The following BEND4 variants were observed in gnomAD, a reference collection of about 807,000 sequenced individuals.
The protein encoded by BEND4 is BEN domain-containing protein 4.
BEND4 carries 27 observed loss-of-function variants against 54.7 expected under a neutral mutation model. That is an observed-to-expected ratio of 0.49 (90% CI 0.36 to 0.68). BEND4 has a LOEUF of 0.68. Ranked by LOEUF, BEND4 falls within the 30% of genes least tolerant of loss-of-function variation. The probability of loss-of-function intolerance (pLI) is 0.00; values close to 1 mark genes in which losing one functional copy is unlikely to be tolerated. For missense variants in BEND4, 702 were observed against 697.2 expected, an observed-to-expected ratio of 1.01 and a Z score of -0.08; for synonymous variants, 327 against 299.5, an observed-to-expected ratio of 1.09 and a Z score of -0.95.
chr4:42,151,522 G>A (rs2153148370), intron 2 of BEND4, 135 bp downstream of exon 2: 8 of 900,986 alleles, frequency 8.9e-6, no homozygotes, highest in Non-Finnish European at 1.2e-5. Context: ...TGCGCGGGGA[G>A]GCCCCAGGTG....
rs1720968976 is a variant in BEND4 at position 42,143,643 on chromosome 4, T to C, written c.839A>G (p.Asp280Gly). Residue 280 changes from aspartate to glycine, a missense_variant, in exon 3 of 6, where the codon GAT becomes GGT. Coordinates refer to ENST00000502486, the MANE Select transcript of BEND4 (RefSeq NM_207406.4). ...ATGCACAGGAGAGGTTGACAGAGGA[T>C]CCACGTCGGCCAGATGGCCATATTC... The part of the protein sequence containing the change: ...ASEYGHLADV[D>G]PLSTSPVHTL... The C allele has an allele frequency of 1.2e-6, 2 of 1,613,532 alleles. No homozygotes were observed. Among genetic ancestry groups the C allele is most frequent in the African/African-American group, 1.3e-5 (1 of 75,042 alleles).
rs1468721574 is a variant in BEND4 at position 42,116,784 on chromosome 4, A to T, written c.*734T>A. 3.9e-5 allele frequency: 6 copies of T among 152,230 alleles called. No homozygotes were observed. Among genetic ancestry groups the T allele is most frequent in the Non-Finnish European group, 5.9e-5 (4 of 68,022 alleles). The allele number at this position is 152,230 out of a possible 1,614,324, so 9.4% of individuals were successfully genotyped here. ...AGGCTATGGAAACTGCGGATTTATT[A>T]ACCTACAAAACTGAGCATTTGAAAA... On this transcript the variant is annotated 3_prime_UTR_variant, in exon 6 of 6. Coordinates refer to ENST00000502486, the MANE Select transcript of BEND4 (RefSeq NM_207406.4).
chr4:42,139,361 C>A (rs933791272), intron 3 of BEND4, among the ~76,000 whole-genome samples: 2 of 152,084 alleles, frequency 1.3e-5, no homozygotes, highest in African/African-American at 4.8e-5. Flanking sequence ...TGTAGCTGAT[C>A]ATCAAAAGAC....
intron 3 of BEND4, among the ~76,000 whole-genome samples, chr4:42,133,395 T>C (rs1398488938): frequency 6.6e-6 from 1 of 152,208 alleles, no homozygotes; most frequent in Non-Finnish European, 1.5e-5. Context: ...CATTCTATGG[T>C]AACACTAGTA....
rs1719640210 is a variant in BEND4 at position 42,113,095 on chromosome 4, T to C, written c.*4423A>G. On this transcript the variant is annotated 3_prime_UTR_variant, in exon 6 of 6. Coordinates refer to ENST00000502486, the MANE Select transcript of BEND4 (RefSeq NM_207406.4). ...CTCAAGCACTCCATTTGACATGTTT[T>C]GCCAAACAGTTCTGGCACGTGTTGC... 2 of 152,266 alleles carry C rather than the reference T, an allele frequency of 1.3e-5. No individual in the cohort carries two copies. The highest frequency in any genetic ancestry group is 2.9e-5 in the Non-Finnish European group (2 of 68,044). The allele number at this position is 152,266 out of a possible 1,614,324, so 9.4% of individuals were successfully genotyped here.
intron 3 of BEND4, among the ~76,000 whole-genome samples, chr4:42,130,136 A>T (rs1251226608): frequency 1.3e-5 from 2 of 152,228 alleles, no homozygotes; most frequent in Non-Finnish European, 2.9e-5. Flanking sequence ...GTGGCCAACA[A>T]ACATATGAAA....
chr4:42,144,180 C>A (rs539941772), intron 2 of BEND4, 186 bp from the exon 3 acceptor site: 11 of 632,014 alleles, frequency 1.7e-5, no homozygotes, highest in Non-Finnish European at 5.6e-6. Flanking sequence ...TCTGCGACTG[C>A]GGGATGCTTG....
At position 42,151,991 on chromosome 4, in the gene BEND4, G is replaced by C; in HGVS notation, c.153C>G (p.His51Gln). 8.0e-7 allele frequency: 1 copy of C among 1,254,334 alleles called. No homozygotes were observed. Among genetic ancestry groups the C allele is most frequent in the African/African-American group, 1.6e-5 (1 of 64,344 alleles). The allele number at this position is 1,254,334 out of a possible 1,614,324, so 77.7% of individuals were successfully genotyped here. A position where few individuals can be genotyped will look rare whatever the true frequency, so the allele number is the denominator to read the frequency against. The change falls in exon 2 of 6, where the codon CAC becomes CAG. Residue 51 changes from histidine (H) to glutamine (Q), a missense_variant. Coordinates refer to ENST00000502486, the MANE Select transcript of BEND4 (RefSeq NM_207406.4). ...GCGGGGGCGGCGGGGGCGCCCGCAC[G>C]TGCGGCAGCTCCACCAGGGTGGGTC... ...YERPTLVELP[H>Q]VRAPPPPPPP...
rs376822596 is a variant in BEND4, at chr4:42,117,674, T to A, written c.1449A>T (p.Ile483=). 1 of 1,610,832 alleles carries A rather than the reference T, an allele frequency of 6.2e-7. No homozygotes were observed. Among genetic ancestry groups the A allele is most frequent in the African/African-American group, 1.3e-5 (1 of 74,894 alleles). Residue 483 remains isoleucine, a synonymous_variant, in exon 6 of 6, where the codon ATA becomes ATT. Coordinates refer to ENST00000502486, the MANE Select transcript of BEND4 (RefSeq NM_207406.4). ...PDWWMPSEEQ[I]NKVFSDAVGH... ...CGACAGCGTCGCTGAACACTTTGTT[T>A]ATCTGCTCTTCCGAGGGCATCCACC... is the stretch of plus-strand genomic sequence containing the variant.
intron 3 of BEND4, among the ~76,000 whole-genome samples, chr4:42,139,994 A>C (rs907798919): frequency 6.6e-6 from 1 of 152,222 alleles, no homozygotes; most frequent in South Asian, 2.1e-4. Flanking sequence ...ATACCCCTCC[A>C]CCCAAAATGC....
rs1721350397 is a variant in BEND4 at position 42,152,593 on chromosome 4, T to G, written c.-295A>C. The G allele has an allele frequency of 6.5e-6, 1 of 153,612 alleles. No homozygotes were observed. The highest frequency in any genetic ancestry group is 1.5e-5 in the Non-Finnish European group (1 of 68,310). The allele number at this position is 153,612 out of a possible 1,614,324, so 9.5% of individuals were successfully genotyped here. A position where few individuals can be genotyped will look rare whatever the true frequency, so the allele number is the denominator to read the frequency against. Reference sequence around the variant, plus strand: ...ATCCGGGATCTGGCTACGGCGAGACTTTAGAGACCCAGATGTGGACTCGAG... The same window carrying G: ...ATCCGGGATCTGGCTACGGCGAGACGTTAGAGACCCAGATGTGGACTCGAG... On this transcript the variant is annotated 5_prime_UTR_variant, in exon 1 of 6. Coordinates refer to ENST00000502486, the MANE Select transcript of BEND4 (RefSeq NM_207406.4).
Position 42,129,964 on chromosome 4 carries a change from T to C in BEND4, c.1055-4290A>G, listed in dbSNP as rs899762706. Among the ~76,000 whole-genome samples the C allele has an allele frequency of 3.3e-5, 5 of 151,994 alleles. No homozygotes were observed. In the South Asian group the frequency reaches 6.2e-4, roughly 19 times the overall value. ...AACTATTATCAGAGTCAACAAACAA[T>C]CTACAGAATGGGAGAAAATTTCTGC... On this transcript the variant is annotated intron_variant, in intron 3 of 5. Coordinates refer to ENST00000502486, the MANE Select transcript of BEND4 (RefSeq NM_207406.4).
At chr4:42,125,695 C>T (rs764597902) in intron 3 of BEND4, 21 bp from the exon 4 acceptor site, 3 of 1,468,694 alleles carry the variant, frequency 2.0e-6, no homozygotes, top group South Asian at 1.2e-5. Context: ...GAAATGGCAA[C>T]AATTACACAT....
At position 42,141,762 on chromosome 4, in the gene BEND4, G is replaced by A. The variant is rs567771874; in HGVS notation, c.1054+1666C>T. Among the ~76,000 whole-genome samples the A allele has an allele frequency of 2.0e-5, 3 of 151,976 alleles. No individual in the cohort carries two copies. The East Asian group carries it at 5.8e-4, about 29-fold the overall frequency. On this transcript the variant is annotated intron_variant, in intron 3 of 5. Coordinates refer to ENST00000502486, the MANE Select transcript of BEND4 (RefSeq NM_207406.4). ...TCTCAATTAAAACAAACAAAAAAAA[G>A]GATATAACTTATATTTATGCATATG...
intron 4 of BEND4, among the ~76,000 whole-genome samples, chr4:42,124,021 A>C (rs2153145090): frequency 6.6e-6 from 1 of 152,318 alleles, no homozygotes; most frequent in Non-Finnish European, 1.5e-5. Context: ...CTGATGCTCT[A>C]GGTATGCATG....
chr4:42,149,769 C>T (rs1322181548), intron 2 of BEND4, among the ~76,000 whole-genome samples: 1 of 149,872 alleles, frequency 6.7e-6, no homozygotes, highest in Non-Finnish European at 1.5e-5. Flanking sequence ...AAGGAAACTG[C>T]CAGGGTAGAA....
chr4:42,148,749 G>C lies in BEND4; in HGVS notation c.487+2908C>G, dbSNP rs980235025. On this transcript the variant is annotated intron_variant, in intron 2 of 5. Transcript: ENST00000502486. ...GAGAATGACCTATGCAATTATATAG[G>C]ATTTATTATAATTCATTTTTGATTG... Among the ~76,000 whole-genome samples the C allele has an allele frequency of 5.9e-5, 9 of 152,278 alleles. No homozygotes were observed. In the East Asian group the frequency reaches 1.7e-3, roughly 29 times the overall value.
chr4:42,148,827 A>G (rs538932529), intron 2 of BEND4, among the ~76,000 whole-genome samples: 10 of 152,348 alleles, frequency 6.6e-5, no homozygotes, highest in South Asian at 4.1e-4. Flanking sequence ...TTTAGGCTGC[A>G]TATCAAGATC....
intron 3 of BEND4, among the ~76,000 whole-genome samples, chr4:42,130,372 C>T (rs971680311): frequency 3.3e-5 from 5 of 149,490 alleles, no homozygotes; most frequent in East Asian, 2.0e-4. Context: ...CCCAGCTACT[C>T]GGGAGGCTGA....
Sources: gnomAD v4.1 joint callset for allele counts (sites outside exome capture counted in the v4.1 genomes callset) on GRCh38, gnomAD v4.1.1 for gene constraint, MANE v1.5 for transcripts, NCBI Gene and HGNC (gene_info 2026-07-23, HGNC 2026-07-21) for gene names.